The following ATP6V1A variants were observed in gnomAD, a reference collection of about 807,000 sequenced individuals.
ATP6V1A encodes ATPase H+ transporting V1 subunit A, also known as V-type proton ATPase catalytic subunit A.
ATP6V1A carries 18 observed loss-of-function variants against 70.1 expected under a neutral mutation model. The ratio of observed to expected loss-of-function variants is 0.26; its 90% CI spans 0.18 to 0.38. The LOEUF (loss-of-function observed/expected upper bound fraction) is 0.38. Ranked by LOEUF, ATP6V1A falls within the 10% of genes least tolerant of loss-of-function variation. The probability of loss-of-function intolerance (pLI) is 1.00; values close to 1 mark genes in which losing one functional copy is unlikely to be tolerated. For synonymous variants in ATP6V1A, 232 were observed against 253.8 expected (o/e 0.91, Z 0.82); for missense variants, 424 against 772.4 (o/e 0.55, Z 5.35).
chr3:113,767,585 A>G (rs1470972988), intron 1 of ATP6V1A, among the ~76,000 whole-genome samples: 2 of 152,142 alleles, frequency 1.3e-5, no homozygotes, highest in Admixed American at 6.6e-5. Context: ...TGTACACTCA[A>G]TACAGTATTT....
chr3:113,773,164 T>G (rs1279900419), intron 1 of ATP6V1A, among the ~76,000 whole-genome samples: 1 of 151,970 alleles, frequency 6.6e-6, no homozygotes, highest in Non-Finnish European at 1.5e-5. Flanking sequence ...GGTCTCAAAC[T>G]CCTGACCTCG....
chr3:113,760,778 A>G (rs1708694582), intron 1 of ATP6V1A, among the ~76,000 whole-genome samples: 1 of 150,300 alleles, frequency 6.7e-6, no homozygotes, highest in African/African-American at 2.4e-5. Context: ...TCGTTTAAAT[A>G]TAGACATCGG....
At chr3:113,775,818 T>C (rs1011800108) in intron 1 of ATP6V1A, among the ~76,000 whole-genome samples, 6 of 152,220 alleles carry the variant, frequency 3.9e-5, no homozygotes, top group Non-Finnish European at 7.3e-5. Context: ...TTCTCTGATT[T>C]TGAAAATCTT....
At position 113,784,712 on chromosome 3, in the gene ATP6V1A, C is replaced by G. The variant is rs1428763366; in HGVS notation, c.443C>G (p.Thr148Ser). 1.9e-6 allele frequency: 3 copies of G among 1,614,050 alleles called. No individual in the cohort carries two copies. The highest frequency in any genetic ancestry group is 2.5e-6 in the Non-Finnish European group (3 of 1,179,968). ...CKNLRVGSHI[T>S]GGDIYGIVSE... is the part of the protein sequence containing the mutation. ...TATCTCTAGGTTGGTAGTCATATCACTGGCGGAGACATTTATGGAATTGTC... is the reference window on the plus strand; with the variant it reads ...TATCTCTAGGTTGGTAGTCATATCAGTGGCGGAGACATTTATGGAATTGTC... Residue 148 changes from threonine (T) to serine (S), a missense_variant, in exon 5 of 15, where the codon ACT (threonine) becomes AGT (serine). Physicochemically the swap from Thr to Ser is moderately conservative, Grantham distance 58. Transcript: ENST00000273398.
At chr3:113,771,843 A>T (rs1708845145) in intron 1 of ATP6V1A, among the ~76,000 whole-genome samples, 1 of 152,192 alleles carries the variant, frequency 6.6e-6, no homozygotes, top group Non-Finnish European at 1.5e-5. Context: ...GAGATGAAGT[A>T]GAGTATAAAA....
intron 6 of ATP6V1A, among the ~76,000 whole-genome samples, chr3:113,787,977 A>G (rs551585067): frequency 1.3e-5 from 2 of 152,298 alleles, no homozygotes; most frequent in South Asian, 4.1e-4. Flanking sequence ...CTGGAATGCA[A>G]TGGCTAGATC....
At chr3:113,790,605 T>G (rs1709081731) in intron 8 of ATP6V1A, among the ~76,000 whole-genome samples, 1 of 152,196 alleles carries the variant, frequency 6.6e-6, no homozygotes, top group Admixed American at 6.5e-5. Flanking sequence ...ATTTTCAGGA[T>G]TTATAAAACT....
intron 1 of ATP6V1A, among the ~76,000 whole-genome samples, chr3:113,777,994 GT>G (rs1458925974): frequency 6.6e-6 from 1 of 152,084 alleles, no homozygotes; most frequent in African/African-American, 2.4e-5. Context: ...CACATTTTTT[GT>G]TATAGTTATC....
At chr3:113,774,128 T>C (rs1343187015) in intron 1 of ATP6V1A, among the ~76,000 whole-genome samples, 1 of 151,524 alleles carries the variant, frequency 6.6e-6, no homozygotes, top group Non-Finnish European at 1.5e-5. Context: ...CCATCCCAGA[T>C]TGTGAACAAG....
intron 1 of ATP6V1A, among the ~76,000 whole-genome samples, chr3:113,760,625 G>A (rs922036433): frequency 1.3e-4 from 20 of 151,706 alleles, no homozygotes; most frequent in Non-Finnish European, 2.4e-4. Context: ...CTACTCAGGA[G>A]GCTGAGGCAG....
rs769912385 is a variant in ATP6V1A, at chr3:113,784,228, T to C, written c.216T>C (p.Gly72=). 1 of 1,614,068 alleles carries C rather than the reference T, an allele frequency of 6.2e-7. No homozygotes were observed. Among genetic ancestry groups the C allele is most frequent in the Admixed American group, 1.7e-5 (1 of 60,022 alleles). ...TTCCTTAGCTGCTGTTTTTAGCTGG[T>C]GTGTCTGTTGGAGATCCTGTACTTC... ...ATIQVYEETS[G]VSVGDPVLRT... is the part of the protein sequence containing the mutation. Residue 72 remains glycine (G), a synonymous_variant, in exon 4 of 15, where the codon GGT becomes GGC. Coordinates refer to ENST00000273398, the MANE Select transcript of ATP6V1A (RefSeq NM_001690.4).
intron 14 of ATP6V1A, among the ~76,000 whole-genome samples, chr3:113,807,254 A>G (rs1489467681): frequency 1.4e-5 from 2 of 145,596 alleles, no homozygotes; most frequent in African/African-American, 5.1e-5. Context: ...ATCCTGGCCC[A>G]CTGCAACCTC....
chr3:113,781,983 T>C (rs1223441037), intron 3 of ATP6V1A, among the ~76,000 whole-genome samples: 1 of 152,228 alleles, frequency 6.6e-6, no homozygotes, highest in Non-Finnish European at 1.5e-5. Flanking sequence ...CTTTTAAACA[T>C]AGTATTTATT....
At chr3:113,781,307 A>G in intron 3 of ATP6V1A, 129 bp downstream of exon 3, 2 of 1,024,712 alleles carry the variant, frequency 2.0e-6, no homozygotes, top group Non-Finnish European at 2.7e-6. Context: ...ACCTGAGGTC[A>G]GGAATTTGAG....
chr3:113,747,743 G>C (rs1240831712), intron 1 of ATP6V1A, among the ~76,000 whole-genome samples: 1 of 152,210 alleles, frequency 6.6e-6, no homozygotes, highest in Admixed American at 6.5e-5. Flanking sequence ...CTTCTCTGCA[G>C]AGAGGACAGT....
intron 13 of ATP6V1A, among the ~76,000 whole-genome samples, chr3:113,803,914 T>C (rs2108044813): frequency 6.6e-6 from 1 of 152,352 alleles, no homozygotes; most frequent in South Asian, 2.1e-4. Flanking sequence ...TTAGATTTAA[T>C]TGTGGCTTAG....
chr3:113,751,237 A>G (rs1708582575), intron 1 of ATP6V1A, among the ~76,000 whole-genome samples: 1 of 152,112 alleles, frequency 6.6e-6, no homozygotes, highest in South Asian at 2.1e-4. Context: ...TATGAAATAG[A>G]CAAAGAAATG....
chr3:113,759,585 T>C (rs1708679593), intron 1 of ATP6V1A, among the ~76,000 whole-genome samples: 1 of 151,932 alleles, frequency 6.6e-6, no homozygotes, highest in African/African-American at 2.4e-5. Flanking sequence ...ACTTAATAAA[T>C]TGAATCTAAT....
At position 113,795,946 on chromosome 3, in the gene ATP6V1A, C is replaced by G; in HGVS notation, c.1290+7C>G. On this transcript the variant is annotated splice_region_variant and intron_variant, in intron 11 of 14. Transcript: ENST00000273398. ...CACTCTTGGTATCGTTCAGGTATGT[C>G]TTTCCCTAGTATAGTCAACTTCTGA... is the stretch of plus-strand genomic sequence containing the variant. The G allele has an allele frequency of 6.2e-7, 1 of 1,605,398 alleles. No individual in the cohort carries two copies. The highest frequency in any genetic ancestry group is 8.5e-7 in the Non-Finnish European group (1 of 1,176,080).
Sources: gnomAD v4.1 joint callset for allele counts (sites outside exome capture counted in the v4.1 genomes callset) on GRCh38, gnomAD v4.1.1 for gene constraint, MANE v1.5 for transcripts, NCBI Gene and HGNC (gene_info 2026-07-23, HGNC 2026-07-21) for gene names.